Variants in HMGXB4 observed in about 807,000 individuals in gnomAD.
HMGXB4 encodes the protein HMG domain-containing protein 4.
In HMGXB4, 27 loss-of-function variants were observed where a neutral mutation model predicts 63.9. The ratio of observed to expected loss-of-function variants is 0.42; its 90% CI spans 0.31 to 0.58. The LOEUF (loss-of-function observed/expected upper bound fraction) is 0.58, where lower values mean the gene tolerates loss of function less well. Ranked by LOEUF, HMGXB4 falls within the 20% of genes least tolerant of loss-of-function variation. The pLI is 0.13. For missense variants in HMGXB4, 624 were observed against 700.7 expected (o/e 0.89, Z 1.24); for synonymous variants, 264 against 265.3 (o/e 0.99, Z 0.05).
intron 5 of HMGXB4, among the ~76,000 whole-genome samples, chr22:35,269,992 A>AG (rs1036086504): frequency 2.6e-5 from 4 of 152,092 alleles, no homozygotes; most frequent in African/African-American, 9.7e-5. Flanking sequence ...AAAGAGAAGA[A>AG]GAAAAAAAAA....
chr22:35,293,718 G>T lies in HMGXB4; in HGVS notation c.*67G>T. The T allele has an allele frequency of 8.2e-7, 1 of 1,218,856 alleles. No homozygotes were observed. The allele number at this position is 1,218,856 out of a possible 1,614,324, so 75.5% of individuals were successfully genotyped here. ...GCTGGTTTGTGTATATATGACTGTT[G>T]CAGATTCCTTCAGTGGCCTCTGGCT... On this transcript the variant is annotated 3_prime_UTR_variant, in exon 11 of 11. Coordinates refer to ENST00000216106, the MANE Select transcript of HMGXB4 (RefSeq NM_001003681.3).
At chr22:35,246,320 G>A in the HMGXB4 span, among the ~76,000 whole-genome samples, 5 of 152,092 alleles carry the variant, frequency 3.3e-5, no homozygotes, top group Admixed American at 3.3e-4. Flanking sequence ...TGTCGCCCAG[G>A]ATAGAGTGCA....
chr22:35,269,704 A>G (rs913944505), intron 5 of HMGXB4, among the ~76,000 whole-genome samples: 1 of 152,204 alleles, frequency 6.6e-6, no homozygotes. Context: ...TACAAGGTGG[A>G]TTAGAGTAGG....
At chr22:35,285,502 G>A (rs766649961) in intron 6 of HMGXB4, among the ~76,000 whole-genome samples, 21 of 152,138 alleles carry the variant, frequency 1.4e-4, no homozygotes, top group Non-Finnish European at 2.9e-4. Flanking sequence ...TTGAGATCAC[G>A]CCACTTCACT....
intron 1 of HMGXB4, among the ~76,000 whole-genome samples, chr22:35,260,913 G>A (rs1224268521): frequency 6.6e-6 from 1 of 152,108 alleles, no homozygotes; most frequent in Admixed American, 6.5e-5. Flanking sequence ...CCATGCTTCA[G>A]TATTGTCCAC....
intron 4 of HMGXB4, chr22:35,264,120 A>G (rs376671384): frequency 1.8e-4 from 252 of 1,391,546 alleles, no homozygotes; most frequent in Middle Eastern, 2.5e-4. Context: ...TCTCCCCCCA[A>G]TCATCCACTT....
At chr22:35,253,046 C>T (rs1261576918), upstream of HMGXB4, among the ~76,000 whole-genome samples, 2 of 150,272 alleles carry the variant, frequency 1.3e-5, no homozygotes, top group Admixed American at 6.7e-5. Flanking sequence ...GCAGGAGAAT[C>T]GCTTGAATCC....
At chr22:35,287,567 T>C in intron 8 of HMGXB4, 115 bp downstream of exon 8, 1 of 688,254 alleles carries the variant, frequency 1.5e-6, no homozygotes, top group South Asian at 1.7e-5. Context: ...TCCCAGGTAT[T>C]ATTACCTGGG....
intron 5 of HMGXB4, among the ~76,000 whole-genome samples, chr22:35,282,707 T>C (rs1270802593): frequency 2.0e-5 from 3 of 152,242 alleles, no homozygotes; most frequent in African/African-American, 7.2e-5. Flanking sequence ...CAGGGCTACC[T>C]GGGTTGTGGT....
chr22:35,246,335 C>T, the HMGXB4 span, among the ~76,000 whole-genome samples: 5 of 152,144 alleles, frequency 3.3e-5, no homozygotes, highest in South Asian at 1.0e-3. Flanking sequence ...AGTGCAGTGG[C>T]ACGATCTCGG....
intron 5 of HMGXB4, among the ~76,000 whole-genome samples, chr22:35,268,854 T>C (rs1407036227): frequency 6.6e-6 from 1 of 152,218 alleles, no homozygotes; most frequent in African/African-American, 2.4e-5. Flanking sequence ...TGCTCATTTT[T>C]TACAGTGACC....
chr22:35,265,116 G>A lies in HMGXB4; in HGVS notation c.728G>A (p.Ser243Asn). 6.2e-7 allele frequency: 1 copy of A among 1,614,130 alleles called. No homozygotes were observed. Among genetic ancestry groups the A allele is most frequent in the South Asian group, 1.1e-5 (1 of 91,072 alleles). Residue 243 changes from serine to asparagine, a missense_variant, in exon 5 of 11, where the codon AGC becomes AAC. This residue lies in a region of HMGXB4 where 472 missense variants were observed against 470.6 expected (regional missense o/e 1.00). Coordinates refer to ENST00000216106, the MANE Select transcript of HMGXB4 (RefSeq NM_001003681.3). ...GALLLGHELQ[S>N]FLKTARKKHK... ...TTACTCCTAGGACATGAGTTACAGA[G>A]CTTTCTGAAAACAGCCCGGAAAAAG...
intron 5 of HMGXB4, among the ~76,000 whole-genome samples, chr22:35,273,397 T>C (rs1923724677): frequency 6.6e-6 from 1 of 152,218 alleles, no homozygotes; most frequent in Non-Finnish European, 1.5e-5. Context: ...CTTACTCTGG[T>C]CTGCCACTTA....
chr22:35,262,980 T>A (rs1368099111), intron 2 of HMGXB4, 98 bp from the exon 3 acceptor site: 1 of 1,140,092 alleles, frequency 8.8e-7, no homozygotes, highest in Non-Finnish European at 1.3e-6. Context: ...TTGTTTTAAT[T>A]TGGAAATAGA....
At chr22:35,252,775 G>A (rs1568990278), upstream of HMGXB4, among the ~76,000 whole-genome samples, 3 of 152,130 alleles carry the variant, frequency 2.0e-5, no homozygotes, top group South Asian at 4.2e-4. Context: ...AGGCCAAGGC[G>A]GGTGGATCAT....
intron 5 of HMGXB4, among the ~76,000 whole-genome samples, chr22:35,272,672 C>A (rs1923676659): frequency 6.6e-6 from 1 of 152,204 alleles, no homozygotes; most frequent in African/African-American, 2.4e-5. Context: ...CGTGGTGGCT[C>A]ACACCTGTAA....
At chr22:35,290,938 A>G (rs1924897435) in intron 9 of HMGXB4, among the ~76,000 whole-genome samples, 1 of 152,206 alleles carries the variant, frequency 6.6e-6, no homozygotes. Context: ...TTTTAGCAGT[A>G]AAACTGGAAC....
chr22:35,246,942 C>T, the HMGXB4 span, among the ~76,000 whole-genome samples: 1 of 152,212 alleles, frequency 6.6e-6, no homozygotes, highest in Admixed American at 6.5e-5. Flanking sequence ...ATCTTCCCTC[C>T]ACCTTCTTGA....
At chr22:35,277,440 C>T (rs1362986120) in intron 5 of HMGXB4, among the ~76,000 whole-genome samples, 2 of 152,204 alleles carry the variant, frequency 1.3e-5, no homozygotes, top group Non-Finnish European at 2.9e-5. Flanking sequence ...CCTCCGCCTT[C>T]CAGGTTCAAG....
Sources: allele counts gnomAD v4.1 joint callset (sites outside exome capture counted in the v4.1 genomes callset), GRCh38; gene constraint gnomAD v4.1.1; regional missense constraint gnomAD v4.1.1; transcripts MANE v1.5; gene names NCBI Gene and HGNC (gene_info 2026-07-23, HGNC 2026-07-21).